EPHA6: variants seen among roughly 807,000 people sequenced by gnomAD.
EPHA6 encodes EPH receptor A6, also known as ephrin type-A receptor 6.
A neutral mutation model predicts 112.0 loss-of-function variants in EPHA6; 50 were observed. The observed-to-expected ratio is 0.45, with a 90% CI of 0.36 to 0.56. The LOEUF is 0.56. Ranked by LOEUF, EPHA6 falls within the 20% of genes least tolerant of loss-of-function variation. EPHA6 has a pLI of 0.00. For synonymous variants in EPHA6, 529 were observed against 490.7 expected (o/e 1.08, Z -1.03); for missense variants, 1,280 against 1,417.4 (o/e 0.90, Z 1.56).
intron 1 of EPHA6, among the ~76,000 whole-genome samples, chr3:96,840,488 C>T (rs954485445): frequency 1.1e-4 from 16 of 152,068 alleles, no homozygotes; most frequent in Admixed American, 9.2e-4. Flanking sequence ...AAAATGCCTT[C>T]GTTATTCTGG....
chr3:97,592,889 A>G (rs988107122), intron 12 of EPHA6, among the ~76,000 whole-genome samples, 152 bp downstream of exon 12: 1 of 152,228 alleles, frequency 6.6e-6, no homozygotes, highest in Non-Finnish European at 1.5e-5. Context: ...CATATTTATA[A>G]TACTGAATGC....
At chr3:97,693,585 A>G (rs930321170) in intron 14 of EPHA6, among the ~76,000 whole-genome samples, 1 of 152,270 alleles carries the variant, frequency 6.6e-6, no homozygotes, top group African/African-American at 2.4e-5. Context: ...AGGCAGGCAG[A>G]TCACGAGGTT....
chr3:96,948,300 T>C (rs2107711715), intron 2 of EPHA6, among the ~76,000 whole-genome samples: 1 of 152,312 alleles, frequency 6.6e-6, no homozygotes, highest in African/African-American at 2.4e-5. Context: ...ATTTCTATCA[T>C]TTCTTGTCAA....
chr3:96,845,442 C>T (rs781555059), intron 1 of EPHA6, among the ~76,000 whole-genome samples: 2 of 151,938 alleles, frequency 1.3e-5, no homozygotes, highest in African/African-American at 2.4e-5. Flanking sequence ...GTCCTCACAT[C>T]AGTAACTCTG....
At chr3:97,527,180 G>A (rs2092632921) in intron 10 of EPHA6, among the ~76,000 whole-genome samples, 1 of 152,150 alleles carries the variant, frequency 6.6e-6, no homozygotes, top group Admixed American at 6.6e-5. Context: ...GCCCTTTGGT[G>A]GATGCTTTTG....
At chr3:97,497,827 C>G (rs1407879266) in intron 10 of EPHA6, among the ~76,000 whole-genome samples, 3 of 151,644 alleles carry the variant, frequency 2.0e-5, no homozygotes, top group African/African-American at 7.3e-5. Flanking sequence ...AAAAAGCAGG[C>G]AAGTCTAATT....
intron 16 of EPHA6, chr3:97,745,404 AC>A (rs1355834925): frequency 4.4e-6 from 2 of 452,758 alleles, no homozygotes; most frequent in South Asian, 3.1e-5. Context: ...GAAACAGCCC[AC>A]AATCAAAATA....
chr3:97,547,913 G>T (rs1193657578), intron 11 of EPHA6, among the ~76,000 whole-genome samples: 2 of 152,166 alleles, frequency 1.3e-5, no homozygotes, highest in Non-Finnish European at 2.9e-5. Context: ...AAGCCCATTG[G>T]AAAAGCACAG....
At position 97,748,664 on chromosome 3, in the gene EPHA6, A is replaced by C; in HGVS notation, c.3356A>C (p.His1119Pro). The part of the protein sequence containing the change: ...IVSSIQTLRL[H>P]MMHIQEKGFH... ...AGCAGCATACAGACTTTACGTTTAC[A>C]CATGATGCACATACAGGAGAAGGGA... The change falls in exon 18 of 18, where the codon CAC (histidine) becomes CCC (proline). Residue 1119 changes from histidine to proline, a missense_variant. Around this residue, in one of 4 missense-constraint regions of EPHA6, gnomAD observed 145 missense variants for 153.3 expected, o/e 0.95. Transcript: ENST00000389672. The C allele has an allele frequency of 6.2e-7, 1 of 1,610,664 alleles. No individual in the cohort carries two copies. The highest frequency in any genetic ancestry group is 8.5e-7 in the Non-Finnish European group (1 of 1,177,086).
chr3:97,610,652 C>A (rs1248901963), intron 12 of EPHA6, 141 bp from the exon 13 acceptor site: 1 of 684,586 alleles, frequency 1.5e-6, no homozygotes, highest in Admixed American at 2.8e-5. Context: ...AATATGAATA[C>A]GTTTATAGAA....
chr3:97,075,543 G>A (rs1484037900), intron 3 of EPHA6, among the ~76,000 whole-genome samples: 1 of 151,910 alleles, frequency 6.6e-6, no homozygotes, highest in African/African-American at 2.4e-5. Flanking sequence ...AGCTTGATAT[G>A]TATCATTATG....
intron 10 of EPHA6, among the ~76,000 whole-genome samples, chr3:97,492,636 G>A (rs569833614): frequency 6.3e-4 from 86 of 136,382 alleles, no homozygotes; most frequent in African/African-American, 2.3e-3. Context: ...GGGAAGCTAA[G>A]GAAAGTATAA....
At chr3:97,414,382 T>C (rs921516884) in intron 6 of EPHA6, among the ~76,000 whole-genome samples, 6 of 152,172 alleles carry the variant, frequency 3.9e-5, no homozygotes, top group Non-Finnish European at 7.4e-5. Flanking sequence ...GAATTTCTTT[T>C]AGAAAATGCC....
intron 6 of EPHA6, among the ~76,000 whole-genome samples, chr3:97,424,508 C>A (rs1011335345): frequency 2.6e-5 from 4 of 152,016 alleles, no homozygotes; most frequent in Non-Finnish European, 5.9e-5. Flanking sequence ...CGTGAAAAAT[C>A]AAAAGCAAAT....
chr3:97,687,864 G>A (rs1284831321), intron 14 of EPHA6, among the ~76,000 whole-genome samples: 1 of 152,164 alleles, frequency 6.6e-6, no homozygotes, highest in Non-Finnish European at 1.5e-5. Context: ...CAGGTTGCAG[G>A]AGCAGCAGGT....
chr3:97,007,512 A>G (rs760538074), intron 3 of EPHA6, among the ~76,000 whole-genome samples: 3 of 151,312 alleles, frequency 2.0e-5, no homozygotes, highest in Admixed American at 1.3e-4. Context: ...TGCACACAAG[A>G]TGGGTCTCCT....
intron 3 of EPHA6, among the ~76,000 whole-genome samples, chr3:97,218,477 A>T (rs1053438006): frequency 1.3e-5 from 2 of 152,130 alleles, no homozygotes; most frequent in Non-Finnish European, 2.9e-5. Flanking sequence ...TTCACAAGAC[A>T]GGAGGAAGGA....
intron 13 of EPHA6, among the ~76,000 whole-genome samples, chr3:97,621,476 T>C (rs2093813761): frequency 6.6e-6 from 1 of 151,902 alleles, no homozygotes; most frequent in African/African-American, 2.4e-5. Flanking sequence ...CAATTTAAAA[T>C]ACAAATCTGA....
At chr3:97,183,968 A>G (rs1340673601) in intron 3 of EPHA6, among the ~76,000 whole-genome samples, 1 of 152,108 alleles carries the variant, frequency 6.6e-6, no homozygotes, top group Non-Finnish European at 1.5e-5. Context: ...TAATGGCTTC[A>G]TTGTTTCACT....
Sources: gnomAD v4.1 joint callset for allele counts (sites outside exome capture counted in the v4.1 genomes callset) on GRCh38, gnomAD v4.1.1 for gene constraint, gnomAD v4.1.1 regional missense constraint, MANE v1.5 for transcripts, NCBI Gene and HGNC (gene_info 2026-07-23, HGNC 2026-07-21) for gene names.